UNC5D: variants seen among roughly 807,000 people sequenced by gnomAD.
UNC5D encodes the protein unc-5 netrin receptor D.
Under a neutral mutation model 105.4 loss-of-function variants are expected in UNC5D, and 39 were observed. The observed-to-expected ratio is 0.37, with a 90% CI of 0.29 to 0.48. The LOEUF is 0.48. Ranked by LOEUF, UNC5D falls within the 20% of genes least tolerant of loss-of-function variation. The probability of loss-of-function intolerance (pLI) is 0.98; values close to 1 mark genes in which losing one functional copy is unlikely to be tolerated. For missense variants in UNC5D, 991 were observed against 1,202.4 expected (o/e 0.82, Z 2.60); for synonymous variants, 452 against 450.4 (o/e 1.00, Z -0.04).
chr8:35,247,610 A>C (rs1249149245), intron 1 of UNC5D, among the ~76,000 whole-genome samples: 3 of 93,802 alleles, frequency 3.2e-5, no homozygotes, highest in Non-Finnish European at 5.8e-5. Flanking sequence ...ATATAAATAT[A>C]TATTATATAT....
At chr8:35,521,217 G>A (rs923914256) in intron 1 of UNC5D, among the ~76,000 whole-genome samples, 1 of 151,924 alleles carries the variant, frequency 6.6e-6, no homozygotes, top group Non-Finnish European at 1.5e-5. Context: ...AAAGGGAGGA[G>A]GCAGAGGAGG....
At chr8:35,663,666 A>G (rs6990664) in intron 4 of UNC5D, among the ~76,000 whole-genome samples, 25,363 of 152,138 alleles carry the variant, frequency 0.17, 4,670 homozygotes, top group African/African-American at 0.46. Flanking sequence ...TGAATGTGGA[A>G]GAGAAAAAGA....
chr8:35,304,387 C>T (rs1563296268), intron 1 of UNC5D, among the ~76,000 whole-genome samples: 1 of 151,684 alleles, frequency 6.6e-6, no homozygotes, highest in Non-Finnish European at 1.5e-5. Flanking sequence ...CTTTAGATGG[C>T]GGAATGTTGT....
At chr8:35,304,042 T>A (rs1036790789) in intron 1 of UNC5D, among the ~76,000 whole-genome samples, 3 of 152,150 alleles carry the variant, frequency 2.0e-5, no homozygotes, top group African/African-American at 7.2e-5. Context: ...GATCTCTCCA[T>A]GAGATTTGAC....
Position 35,728,878 on chromosome 8 carries a change from C to G in UNC5D, c.1682-2134C>G, listed in dbSNP as rs1447359191. Among the ~76,000 whole-genome samples the G allele has an allele frequency of 9.2e-5, 14 of 152,256 alleles. No individual in the cohort carries two copies. In the East Asian group the frequency reaches 2.7e-3, roughly 29 times the overall value. On this transcript the variant is annotated intron_variant, in intron 10 of 16. Transcript: ENST00000404895. ...ATGGGGTATTATATTTTTCTTTAAT[C>G]AGAGGTAACTGGCCAATGACATATT...
intron 3 of UNC5D, among the ~76,000 whole-genome samples, chr8:35,574,976 G>A (rs1213381872): frequency 1.3e-5 from 2 of 151,986 alleles, no homozygotes; most frequent in African/African-American, 2.4e-5. Context: ...ACAAAACCTA[G>A]TTTAGCAAAT....
At chr8:35,314,692 T>C (rs1809152305) in intron 1 of UNC5D, among the ~76,000 whole-genome samples, 1 of 152,222 alleles carries the variant, frequency 6.6e-6, no homozygotes, top group Non-Finnish European at 1.5e-5. Flanking sequence ...GAGAGTCAAC[T>C]CTTGTTGGTT....
intron 1 of UNC5D, among the ~76,000 whole-genome samples, chr8:35,539,679 G>A (rs1375835327): frequency 2.0e-5 from 3 of 152,064 alleles, no homozygotes; most frequent in African/African-American, 7.2e-5. Flanking sequence ...TTTTGCCTGT[G>A]TCCACATCAC....
At chr8:35,590,370 T>C (rs1037652647) in intron 3 of UNC5D, among the ~76,000 whole-genome samples, 11 of 152,216 alleles carry the variant, frequency 7.2e-5, no homozygotes, top group South Asian at 6.2e-4. Flanking sequence ...ATTACTGCTG[T>C]AGTTTTATGT....
chr8:35,592,250 T>C (rs1586200852), intron 3 of UNC5D, among the ~76,000 whole-genome samples: 1 of 152,220 alleles, frequency 6.6e-6, no homozygotes, highest in Admixed American at 6.5e-5. Flanking sequence ...CAGTTGCTAT[T>C]TCCTTTTGAC....
intron 4 of UNC5D, among the ~76,000 whole-genome samples, chr8:35,622,172 T>C (rs180923150): frequency 7.7e-4 from 117 of 152,172 alleles, no homozygotes; most frequent in African/African-American, 2.6e-3. Flanking sequence ...TGAAACCCCA[T>C]CTCTACTAAA....
At chr8:35,384,209 A>G (rs1438602273) in intron 1 of UNC5D, among the ~76,000 whole-genome samples, 1 of 149,302 alleles carries the variant, frequency 6.7e-6, no homozygotes, top group Non-Finnish European at 1.5e-5. Flanking sequence ...ACAGAGCAAG[A>G]CTCCATTTCA....
At chr8:35,294,785 G>A (rs914152397) in intron 1 of UNC5D, among the ~76,000 whole-genome samples, 11 of 150,932 alleles carry the variant, frequency 7.3e-5, no homozygotes, top group African/African-American at 1.7e-4. Context: ...CTCAATCTAC[G>A]GTATGTATTA....
intron 1 of UNC5D, among the ~76,000 whole-genome samples, chr8:35,407,341 A>G (rs535264045): frequency 3.6e-4 from 55 of 152,122 alleles, no homozygotes; most frequent in Non-Finnish European, 6.3e-4. Flanking sequence ...ACATATTAGT[A>G]TAAGTAAAAA....
rs548010070 is a variant in UNC5D, at chr8:35,724,077, C to T, written c.1303+1682C>T. ...CTCTTACCCTAGTACAGGATGCCAG[C>T]GTGTTCCGTGGAGCACCAGGCAGCA... On this transcript the variant is annotated intron_variant, in intron 9 of 16. Coordinates refer to ENST00000404895, the MANE Select transcript of UNC5D (RefSeq NM_080872.4). The T allele has an allele frequency of 2.5e-5, 33 of 1,329,256 alleles. 1 individual carries two copies. Among genetic ancestry groups the T allele is most frequent in the South Asian group, 3.8e-5 (2 of 52,700 alleles). The allele number at this position is 1,329,256 out of a possible 1,614,324, so 82.3% of individuals were successfully genotyped here.
At chr8:35,465,572 C>T (rs1809241810) in intron 1 of UNC5D, among the ~76,000 whole-genome samples, 1 of 152,192 alleles carries the variant, frequency 6.6e-6, no homozygotes, top group African/African-American at 2.4e-5. Flanking sequence ...TTGTATCCCT[C>T]CTTATATCCT....
intron 1 of UNC5D, among the ~76,000 whole-genome samples, chr8:35,396,250 C>T (rs1804094154): frequency 6.6e-6 from 1 of 152,048 alleles, no homozygotes; most frequent in South Asian, 2.1e-4. Context: ...TCATAGGACT[C>T]AGCGTATGGT....
At chr8:35,456,049 G>A (rs1293014197) in intron 1 of UNC5D, among the ~76,000 whole-genome samples, 2 of 152,148 alleles carry the variant, frequency 1.3e-5, no homozygotes, top group African/African-American at 4.8e-5. Context: ...CTACTTCCTA[G>A]CAGTTAAGTT....
intron 1 of UNC5D, among the ~76,000 whole-genome samples, chr8:35,442,252 A>G (rs951787872): frequency 1.3e-5 from 2 of 151,856 alleles, no homozygotes; most frequent in African/African-American, 4.8e-5. Context: ...GCTGCCATTC[A>G]CAAGTATATT....
Sources: allele counts gnomAD v4.1 joint callset (sites outside exome capture counted in the v4.1 genomes callset), GRCh38; gene constraint gnomAD v4.1.1; transcripts MANE v1.5; gene names NCBI Gene and HGNC (gene_info 2026-07-23, HGNC 2026-07-21).